The following KCNA5 variants were observed in gnomAD, a reference collection of about 807,000 sequenced individuals.
KCNA5 encodes the protein potassium voltage-gated channel subfamily A member 5.
Under a neutral mutation model 26.5 loss-of-function variants are expected in KCNA5, and 22 were observed. That is an observed-to-expected ratio of 0.83 (90% CI 0.59 to 1.18). The LOEUF is 1.18. Ranked by LOEUF, KCNA5 falls within the 50% of genes most tolerant of loss-of-function variation. The pLI, the probability that KCNA5 is intolerant of heterozygous loss-of-function variation, is 0.00. For missense variants in KCNA5, 916 were observed against 843.2 expected (o/e 1.09, Z -1.07); for synonymous variants, 465 against 372.8 (o/e 1.25, Z -2.85).
chr12:5,044,894 G>C lies in KCNA5; in HGVS notation c.747G>C (p.Ala249=). The C allele has an allele frequency of 6.2e-7, 1 of 1,613,890 alleles. No individual in the cohort carries two copies. The highest frequency in any genetic ancestry group is 8.5e-7 in the Non-Finnish European group (1 of 1,180,018). ...AGTATCCGGAGAGCTCTGGGTCCGC[G>C]CGGGCCATCGCCATCGTCTCGGTCT... The part of the protein sequence containing the change: ...IFEYPESSGS[A]RAIAIVSVLV... The change falls in exon 1 of 1, where the codon GCG becomes GCC. Residue 249 remains alanine (A), a synonymous_variant. Transcript: ENST00000252321.
chr12:5,044,338 T>A lies in KCNA5; in HGVS notation c.191T>A (p.Val64Glu). The stretch of plus-strand genomic sequence containing the variant: ...GCGCAGAGAGACGCGGACTCGGGAG[T>A]GCGGCCCTTGCCTCCGCTGCCGGAC... ...RGAQRDADSG[V>E]RPLPPLPDPG... Residue 64 changes from valine to glutamate, a missense_variant, in exon 1 of 1, where the codon GTG becomes GAG. Val to Glu is a moderately radical substitution (Grantham distance 121). Transcript: ENST00000252321. The A allele has an allele frequency of 6.5e-7, 1 of 1,546,352 alleles. No individual in the cohort carries two copies. Among genetic ancestry groups the A allele is most frequent in the African/African-American group, 1.4e-5 (1 of 73,732 alleles).
In KCNA5 at chr12:5,046,154, T is replaced by G; in HGVS notation, c.*165T>G. On this transcript the variant is annotated 3_prime_UTR_variant, in exon 1 of 1. Transcript: ENST00000252321. ...TCCCTCGATCCCCCCATTTTCTCTA[T>G]TCTTTCCATGACACCCAAGGGTCGC... 2.2e-6 allele frequency: 2 copies of G among 891,736 alleles called. No homozygotes were observed. Among genetic ancestry groups the G allele is most frequent in the Non-Finnish European group, 3.6e-6 (2 of 552,860 alleles). 55.2% of individuals were successfully genotyped at this position (891,736 alleles called of 1,614,324 possible). A position where few individuals can be genotyped will look rare whatever the true frequency, so the allele number is the denominator to read the frequency against.
In KCNA5 at chr12:5,044,978, T is replaced by A; in HGVS notation, c.831T>A (p.Asp277Glu). The A allele has an allele frequency of 6.2e-7, 1 of 1,613,342 alleles. No individual in the cohort carries two copies. The highest frequency in any genetic ancestry group is 8.5e-7 in the Non-Finnish European group (1 of 1,179,950). Reference sequence around the variant, plus strand: ...TGGAGACCCTGCCTGAGTTCAGGGATGAACGTGAGCTGCTCCGCCACCCTC... The same window carrying A: ...TGGAGACCCTGCCTGAGTTCAGGGAAGAACGTGAGCTGCTCCGCCACCCTC... ...FCLETLPEFR[D>E]ERELLRHPPA... The change falls in exon 1 of 1, where the codon GAT becomes GAA. Residue 277 changes from aspartate to glutamate, a missense_variant. Transcript: ENST00000252321.
At position 5,044,378 on chromosome 12, in the gene KCNA5, C is replaced by T. The variant is rs747738816; in HGVS notation, c.231C>T (p.Pro77=). 3.9e-5 allele frequency: 61 copies of T among 1,567,974 alleles called. No individual in the cohort carries two copies. Among genetic ancestry groups the T allele is most frequent in the Non-Finnish European group, 2.3e-5 (27 of 1,162,964 alleles). Residue 77 remains proline (P), a synonymous_variant, in exon 1 of 1, where the codon CCC becomes CCT. Coordinates refer to ENST00000252321, the MANE Select transcript of KCNA5 (RefSeq NM_002234.4). ...LPPLPDPGVR[P]LPPLPEELPR... ...CGCTGCCGGACCCGGGAGTGCGGCCCTTGCCTCCGCTGCCAGAGGAGCTGC... is the reference window on the plus strand; with the variant it reads ...CGCTGCCGGACCCGGGAGTGCGGCCTTTGCCTCCGCTGCCAGAGGAGCTGC...
Position 5,045,323 on chromosome 12 carries a change from G to T in KCNA5, c.1176G>T (p.Gln392His). 1.2e-6 allele frequency: 2 copies of T among 1,614,158 alleles called. No individual in the cohort carries two copies. The highest frequency in any genetic ancestry group is 1.7e-6 in the Non-Finnish European group (2 of 1,180,018). Residue 392 changes from glutamine to histidine, a missense_variant, in exon 1 of 1, where the codon CAG becomes CAT. Gln to His is a conservative substitution (Grantham distance 24). Coordinates refer to ENST00000252321, the MANE Select transcript of KCNA5 (RefSeq NM_002234.4). The surrounding 1 kb of genome is among the most constrained non-coding windows in gnomAD (Gnocchi z 5.6). The part of the protein sequence containing the change: ...GGGGGGQNGQ[Q>H]AMSLAILRVI... The stretch of plus-strand genomic sequence containing the variant: ...GAGGAGGCGGCCAGAATGGGCAGCA[G>T]GCCATGTCCCTGGCCATCCTCCGAG...
In KCNA5 at chr12:5,045,496, G is replaced by A. The variant is rs750027335; in HGVS notation, c.1349G>A (p.Ser450Asn). The A allele has an allele frequency of 1.2e-6, 2 of 1,614,198 alleles. No individual in the cohort carries two copies. The highest frequency in any genetic ancestry group is 1.1e-5 in the South Asian group (1 of 91,078). Residue 450 changes from serine (S) to asparagine (N), a missense_variant, in exon 1 of 1, where the codon AGT becomes AAT. Physicochemically the swap from Ser to Asn is conservative, Grantham distance 46. Transcript: ENST00000252321. The surrounding 1 kb of genome is among the most constrained non-coding windows in gnomAD (Gnocchi z 5.6). The part of the protein sequence containing the change: ...FLFIGVILFS[S>N]AVYFAEADNQ... ...TTCATCGGGGTCATCCTCTTCTCCA[G>A]TGCCGTCTACTTCGCAGAGGCTGAC...
rs1456159460 is a variant in KCNA5 at position 5,045,078 on chromosome 12, A to T, written c.931A>T (p.Thr311Ser). The change falls in exon 1 of 1, where the codon ACG (threonine) becomes TCG (serine). Residue 311 changes from threonine (T) to serine (S), a missense_variant. Transcript: ENST00000252321. This position sits in a 1 kb window ranked among gnomAD's most constrained non-coding sequence, Gnocchi z 5.6. Reference protein sequence around the residue: ...SGVMAPPSGPTVAPLLPRTLA... With the variant: ...SGVMAPPSGPSVAPLLPRTLA... ...GGTCATGGCCCCGCCCTCTGGCCCT[A>T]CGGTGGCACCGCTCCTGCCCAGGAC... 4 of 1,612,960 alleles carry T rather than the reference A, an allele frequency of 2.5e-6. No individual in the cohort carries two copies. The highest frequency in any genetic ancestry group is 2.5e-6 in the Non-Finnish European group (3 of 1,179,636).
Position 5,045,112 on chromosome 12 carries a change from A to G in KCNA5, c.965A>G (p.Asp322Gly). The G allele has an allele frequency of 6.2e-7, 1 of 1,613,414 alleles. No individual in the cohort carries two copies. Reference protein sequence around the residue: ...VAPLLPRTLADPFFIVETTCV... With the variant: ...VAPLLPRTLAGPFFIVETTCV... ...CCGCTCCTGCCCAGGACCCTGGCCG[A>G]CCCCTTCTTCATCGTGGAGACCACG... The change falls in exon 1 of 1, where the codon GAC (aspartate) becomes GGC (glycine). Residue 322 changes from aspartate to glycine, a missense_variant. By Grantham distance (94) the Asp-to-Gly change is moderately conservative. Transcript: ENST00000252321. The surrounding 1 kb of genome is among the most constrained non-coding windows in gnomAD (Gnocchi z 5.6).
rs781073587 is a variant in KCNA5 at position 5,044,545 on chromosome 12, C to A, written c.398C>A (p.Thr133Lys). 5 of 1,613,820 alleles carry A rather than the reference C, an allele frequency of 3.1e-6. No individual in the cohort carries two copies. In the Admixed American group the frequency reaches 6.7e-5, roughly 22 times the overall value. ...HINISGLRFE[T>K]QLGTLAQFPN... The stretch of plus-strand genomic sequence containing the variant: ...AACATCTCCGGGCTGCGCTTTGAGA[C>A]GCAGCTGGGCACCCTGGCGCAGTTC... The change falls in exon 1 of 1, where the codon ACG becomes AAG. Residue 133 changes from threonine to lysine, a missense_variant. Coordinates refer to ENST00000252321, the MANE Select transcript of KCNA5 (RefSeq NM_002234.4).
rs1314718813 is a variant in KCNA5 at position 5,044,592 on chromosome 12, C to G, written c.445C>G (p.Pro149Ala). Residue 149 changes from proline (P) to alanine (A), a missense_variant, in exon 1 of 1, where the codon CCC becomes GCC. Coordinates refer to ENST00000252321, the MANE Select transcript of KCNA5 (RefSeq NM_002234.4). ...AQFPNTLLGD[P>A]AKRLRYFDPL... is the part of the protein sequence containing the mutation. The stretch of plus-strand genomic sequence containing the variant: ...GTTCCCCAACACACTCCTGGGGGAC[C>G]CCGCCAAGCGCCTGCGCTACTTCGA... 1.2e-6 allele frequency: 2 copies of G among 1,614,010 alleles called. No individual in the cohort carries two copies. Among genetic ancestry groups the G allele is most frequent in the East Asian group, 2.2e-5 (1 of 44,858 alleles).
chr12:5,046,135 G>T lies in KCNA5; in HGVS notation c.*146G>T. On this transcript the variant is annotated 3_prime_UTR_variant, in exon 1 of 1. Transcript: ENST00000252321. ...CTTTCACTCCTTTCCTCCCTCCCTC[G>T]ATCCCCCCATTTTCTCTATTCTTTC... 1 of 1,001,778 alleles carries T rather than the reference G, an allele frequency of 1.0e-6. No individual in the cohort carries two copies. Among genetic ancestry groups the T allele is most frequent in the South Asian group, 1.4e-5 (1 of 71,660 alleles). The allele number at this position is 1,001,778 out of a possible 1,614,324, so 62.1% of individuals were successfully genotyped here. A position where few individuals can be genotyped will look rare whatever the true frequency, so the allele number is the denominator to read the frequency against.
Position 5,045,232 on chromosome 12 carries a change from TG to T in KCNA5, c.1087del (p.Val363TrpfsTer69), listed in dbSNP as rs1591661890. On this transcript the variant is annotated frameshift_variant, in exon 1 of 1. Transcript: ENST00000252321. LOFTEE classifies it high-confidence loss of function. The surrounding 1 kb of genome is among the most constrained non-coding windows in gnomAD (Gnocchi z 5.6). ...FSRNIMNIID[V>X]VAIFPYFITL... ...CGGAACATCATGAACATCATCGATG[TG>T]GTGGCCATCTTCCCCTACTTCATCA... 6.2e-7 allele frequency: 1 copy of T among 1,614,186 alleles called. No homozygotes were observed. Among genetic ancestry groups the T allele is most frequent in the Non-Finnish European group, 8.5e-7 (1 of 1,180,026 alleles).
In KCNA5 at chr12:5,045,949, A is replaced by T. The variant is rs1223378591; in HGVS notation, c.1802A>T (p.Tyr601Phe). ...KSNVDLRRSL[Y>F]ALCLDTSRET... ...AACGTGGACTTGCGGAGGTCCCTTT[A>T]TGCCCTCTGCCTGGACACCAGCCGG... Residue 601 changes from tyrosine (Y) to phenylalanine (F), a missense_variant, in exon 1 of 1, where the codon TAT becomes TTT. By Grantham distance (22) the Tyr-to-Phe change is conservative (BLOSUM62 3). Coordinates refer to ENST00000252321, the MANE Select transcript of KCNA5 (RefSeq NM_002234.4). This position sits in a 1 kb window ranked among gnomAD's most constrained non-coding sequence, Gnocchi z 5.6. 1 of 1,613,600 alleles carries T rather than the reference A, an allele frequency of 6.2e-7. No individual in the cohort carries two copies. The highest frequency in any genetic ancestry group is 8.5e-7 in the Non-Finnish European group (1 of 1,180,048).
In KCNA5 at chr12:5,045,029, C is replaced by T. The variant is rs775137906; in HGVS notation, c.882C>T (p.Pro294=). The T allele has an allele frequency of 1.2e-6, 2 of 1,612,732 alleles. No individual in the cohort carries two copies. Among genetic ancestry groups the T allele is most frequent in the South Asian group, 1.1e-5 (1 of 91,040 alleles). The change falls in exon 1 of 1, where the codon CCC becomes CCT. Residue 294 remains proline (P), a synonymous_variant. Coordinates refer to ENST00000252321, the MANE Select transcript of KCNA5 (RefSeq NM_002234.4). This position sits in a 1 kb window ranked among gnomAD's most constrained non-coding sequence, Gnocchi z 5.6. Reference sequence around the variant, plus strand: ...CGGCGCCCCACCAGCCTCCCGCGCCCGCCCCTGGGGCCAACGGCAGCGGGG... The same window carrying T: ...CGGCGCCCCACCAGCCTCCCGCGCCTGCCCCTGGGGCCAACGGCAGCGGGG... The part of the protein sequence containing the change: ...HPPAPHQPPA[P]APGANGSGVM...
rs765259726 is a variant in KCNA5, at chr12:5,044,785, T to C, written c.638T>C (p.Phe213Ser). The change falls in exon 1 of 1, where the codon TTC becomes TCC. Residue 213 changes from phenylalanine to serine, a missense_variant. Coordinates refer to ENST00000252321, the MANE Select transcript of KCNA5 (RefSeq NM_002234.4). ...CTGGGGGACGAGGCCATGGAGCGCTTCCGCGAGGATGAGGGCTTCATTAAA... is the reference window on the plus strand; with the variant it reads ...CTGGGGGACGAGGCCATGGAGCGCTCCCGCGAGGATGAGGGCTTCATTAAA... ...YQLGDEAMER[F>S]REDEGFIKEE... The C allele has an allele frequency of 6.2e-7, 1 of 1,614,140 alleles. No individual in the cohort carries two copies. The highest frequency in any genetic ancestry group is 2.2e-5 in the East Asian group (1 of 44,860).
In KCNA5 at chr12:5,046,322, A is replaced by C. The variant is rs1327688281; in HGVS notation, c.*333A>C. The C allele has an allele frequency of 8.2e-6, 3 of 363,938 alleles. No homozygotes were observed. The highest frequency in any genetic ancestry group is 1.6e-5 in the Non-Finnish European group (3 of 185,694). 22.5% of individuals were successfully genotyped at this position (363,938 alleles called of 1,614,324 possible). A position where few individuals can be genotyped will look rare whatever the true frequency, so the allele number is the denominator to read the frequency against. The stretch of plus-strand genomic sequence containing the variant: ...AATGACTCTAAATAGCCCAGATCCC[A>C]AGAGATTATGTAACTCCTCCATCCA... On this transcript the variant is annotated 3_prime_UTR_variant, in exon 1 of 1. Transcript: ENST00000252321.
In KCNA5 at chr12:5,044,073, A is replaced by T; in HGVS notation, c.-75A>T. The T allele has an allele frequency of 6.7e-7, 1 of 1,489,892 alleles. No individual in the cohort carries two copies. The highest frequency in any genetic ancestry group is 9.0e-7 in the Non-Finnish European group (1 of 1,108,598). 92.3% of individuals were successfully genotyped at this position (1,489,892 alleles called of 1,614,324 possible). A position where few individuals can be genotyped will look rare whatever the true frequency, so the allele number is the denominator to read the frequency against. On this transcript the variant is annotated 5_prime_UTR_variant, in exon 1 of 1. Transcript: ENST00000252321. The stretch of plus-strand genomic sequence containing the variant: ...GACCGCTGGAGCGGAGCCTGACGCC[A>T]GGCGCCCGCGGAGCGTGAGTAGGGG...
At position 5,044,383 on chromosome 12, in the gene KCNA5, C is replaced by T. The variant is rs1233216783; in HGVS notation, c.236C>T (p.Pro79Leu). The T allele has an allele frequency of 1.3e-6, 2 of 1,573,190 alleles. No individual in the cohort carries two copies. Among genetic ancestry groups the T allele is most frequent in the East Asian group, 2.3e-5 (1 of 43,204 alleles). ...PLPDPGVRPL[P>L]PLPEELPRPR... ...CCGGACCCGGGAGTGCGGCCCTTGCCTCCGCTGCCAGAGGAGCTGCCACGG... is the reference window on the plus strand; with the variant it reads ...CCGGACCCGGGAGTGCGGCCCTTGCTTCCGCTGCCAGAGGAGCTGCCACGG... Residue 79 changes from proline to leucine, a missense_variant, in exon 1 of 1, where the codon CCT becomes CTT. By Grantham distance (98) the Pro-to-Leu change is moderately conservative. Coordinates refer to ENST00000252321, the MANE Select transcript of KCNA5 (RefSeq NM_002234.4).
In KCNA5 at chr12:5,044,911, T is replaced by A; in HGVS notation, c.764T>A (p.Val255Asp). ...GGGTCCGCGCGGGCCATCGCCATCGTCTCGGTCTTGGTTATCCTCATCTCC... is the reference window on the plus strand; with the variant it reads ...GGGTCCGCGCGGGCCATCGCCATCGACTCGGTCTTGGTTATCCTCATCTCC... ...SSGSARAIAIVSVLVILISII... is the reference protein window; with the variant it reads ...SSGSARAIAIDSVLVILISII... The change falls in exon 1 of 1, where the codon GTC becomes GAC. Residue 255 changes from valine to aspartate, a missense_variant. By Grantham distance (152) the Val-to-Asp change is radical. Coordinates refer to ENST00000252321, the MANE Select transcript of KCNA5 (RefSeq NM_002234.4). 1 of 1,613,800 alleles carries A rather than the reference T, an allele frequency of 6.2e-7. No individual in the cohort carries two copies. The highest frequency in any genetic ancestry group is 8.5e-7 in the Non-Finnish European group (1 of 1,179,978).
Sources: allele counts gnomAD v4.1 joint callset, GRCh38; gene constraint gnomAD v4.1.1; non-coding constraint Gnocchi (gnomAD v3.1); transcripts MANE v1.5; gene names NCBI Gene and HGNC (gene_info 2026-07-23, HGNC 2026-07-21).